Variants in ERBB4 observed in about 807,000 individuals in gnomAD.
ERBB4 encodes the protein receptor tyrosine-protein kinase erbB-4.
A neutral mutation model predicts 158.0 loss-of-function variants in ERBB4; 42 were observed. The ratio of observed to expected loss-of-function variants is 0.27; its 90% CI spans 0.21 to 0.34. The LOEUF is 0.34. Ranked by LOEUF, ERBB4 falls within the 10% of genes least tolerant of loss-of-function variation. The probability of loss-of-function intolerance (pLI) is 1.00; values close to 1 mark genes in which losing one functional copy is unlikely to be tolerated. For missense variants in ERBB4, 1,333 were observed against 1,624.1 expected (o/e 0.82, Z 3.08); for synonymous variants, 583 against 558.7 (o/e 1.04, Z -0.61).
In ERBB4 at chr2:211,819,448, G is replaced by A. The variant is rs116613016; in HGVS notation, c.422-31289C>T. On this transcript the variant is annotated intron_variant, in intron 3 of 27. Transcript: ENST00000342788. ...GGGGAAATAGTAAAAGCTTTAGTCT[G>A]AAACTTGTCTCGAGGACTAGAAAGA... Among the ~76,000 whole-genome samples, 1,317 of 152,130 alleles carry A rather than the reference G, an allele frequency of 8.7e-3. 20 individuals carry two copies. The highest frequency in any genetic ancestry group is 0.03 in the African/African-American group (1,242 of 41,550).
chr2:212,513,851 G>C (rs1205608660), intron 1 of ERBB4, among the ~76,000 whole-genome samples: 1 of 150,348 alleles, frequency 6.7e-6, no homozygotes, highest in East Asian at 1.9e-4. Context: ...AACAATTTAA[G>C]TTTTCAAAGA....
intron 1 of ERBB4, among the ~76,000 whole-genome samples, chr2:212,142,051 C>T (rs866226525): frequency 2.6e-5 from 4 of 152,094 alleles, no homozygotes; most frequent in Admixed American, 6.6e-5. Context: ...TCAGATCTGG[C>T]CACAGGGGCC....
Position 211,831,656 on chromosome 2 carries a change from C to T in ERBB4, c.422-43497G>A, listed in dbSNP as rs756774356. On this transcript the variant is annotated intron_variant, in intron 3 of 27. Transcript: ENST00000342788. ...AACATTAATACCTGTAATCCCAGCA[C>T]TTTGGGAGGCTGAGGTGGGTGGATC... 4.5e-4 allele frequency among the ~76,000 whole-genome samples: 69 copies of T among 152,188 alleles called. 1 individual carries two copies. Among genetic ancestry groups the T allele is most frequent in the Middle Eastern group, 3.4e-3 (1 of 294 alleles).
intron 2 of ERBB4, among the ~76,000 whole-genome samples, chr2:212,035,962 T>C (rs2077002609): frequency 6.6e-6 from 1 of 152,220 alleles, no homozygotes; most frequent in Non-Finnish European, 1.5e-5. Flanking sequence ...CATTTTTTAG[T>C]GATTGTACAT....
At chr2:211,955,154 T>A (rs2125158950) in intron 2 of ERBB4, among the ~76,000 whole-genome samples, 1 of 152,154 alleles carries the variant, frequency 6.6e-6, no homozygotes. Context: ...GGAAACCTGG[T>A]AAGATCATCC....
chr2:212,293,873 A>C (rs918993373), intron 1 of ERBB4, among the ~76,000 whole-genome samples: 4 of 146,158 alleles, frequency 2.7e-5, no homozygotes, highest in South Asian at 2.1e-4. Context: ...AAAAAAAAAA[A>C]CATACATTTG....
At chr2:211,737,306 C>T (rs1233593435) in intron 5 of ERBB4, among the ~76,000 whole-genome samples, 1 of 152,098 alleles carries the variant, frequency 6.6e-6, no homozygotes, top group East Asian at 1.9e-4. Context: ...CACAATCTCC[C>T]TTCCTGCCTC....
At chr2:211,774,632 T>C (rs114983060) in intron 4 of ERBB4, among the ~76,000 whole-genome samples, 2,481 of 152,278 alleles carry the variant, frequency 0.016, 58 homozygotes, top group African/African-American at 0.057. Context: ...GTTGAACATA[T>C]GTCACTGGGC....
At chr2:211,621,285 C>T (rs1481240705) in intron 18 of ERBB4, among the ~76,000 whole-genome samples, 1 of 151,656 alleles carries the variant, frequency 6.6e-6, no homozygotes, top group African/African-American at 2.4e-5. Context: ...ATCTGATACA[C>T]ATGATATTGG....
chr2:212,011,644 G>T (rs1415034782), intron 2 of ERBB4, among the ~76,000 whole-genome samples: 3 of 152,040 alleles, frequency 2.0e-5, no homozygotes, highest in Non-Finnish European at 4.4e-5. Flanking sequence ...AAGCCACTCA[G>T]GAGGCTGAGG....
intron 20 of ERBB4, among the ~76,000 whole-genome samples, chr2:211,471,303 G>A (rs1021277780): frequency 1.3e-4 from 20 of 152,078 alleles, no homozygotes; most frequent in African/African-American, 4.6e-4. Context: ...CATGAGCCAA[G>A]CCTTTCTTAA....
chr2:212,171,614 T>C (rs989589070), intron 1 of ERBB4, among the ~76,000 whole-genome samples: 2 of 152,100 alleles, frequency 1.3e-5, no homozygotes, highest in African/African-American at 4.8e-5. Context: ...TTGGATCATG[T>C]AGGTGTCTTC....
intron 2 of ERBB4, among the ~76,000 whole-genome samples, chr2:212,118,019 TCATGCTATG>T (rs1185678064): frequency 6.6e-6 from 1 of 152,218 alleles, no homozygotes; most frequent in Admixed American, 6.5e-5. Flanking sequence ...TTTTTCTAAA[TCATGCTATG>T]CAGCAGACAG....
intron 4 of ERBB4, among the ~76,000 whole-genome samples, chr2:211,757,681 C>T (rs887630691): frequency 1.3e-5 from 2 of 152,218 alleles, no homozygotes; most frequent in African/African-American, 4.8e-5. Flanking sequence ...AAAGTATCTT[C>T]TCCAGCATCA....
intron 3 of ERBB4, among the ~76,000 whole-genome samples, chr2:211,931,888 A>G: frequency 6.6e-6 from 1 of 152,106 alleles, no homozygotes; most frequent in East Asian, 1.9e-4. Flanking sequence ...GGACACAAGA[A>G]GGGAACTAAC....
chr2:211,755,082 C>T (rs752196422), intron 4 of ERBB4, among the ~76,000 whole-genome samples: 2 of 152,068 alleles, frequency 1.3e-5, no homozygotes, highest in Admixed American at 6.5e-5. Flanking sequence ...CCATGTAGCT[C>T]GGTGATAGGA....
rs2073399758 is a variant in ERBB4, at chr2:211,705,349, C to T, written c.1167G>A (p.Leu389=). 5.0e-6 allele frequency: 8 copies of T among 1,613,122 alleles called. No homozygotes were observed. The Middle Eastern group carries it at 6.6e-4, about 133-fold the overall frequency. The change falls in exon 10 of 28, where the codon CTG becomes CTA. Residue 389 remains leucine, a synonymous_variant. Transcript: ENST00000342788. The part of the protein sequence containing the change: ...NAIEAIDPEK[L]NVFRTVREIT... Reference sequence around the variant, plus strand: ...TCTCTCTGACTGTCCGAAAGACGTTCAGTTTCTCTGGGTCTATGGCTTCAA... The same window carrying T: ...TCTCTCTGACTGTCCGAAAGACGTTTAGTTTCTCTGGGTCTATGGCTTCAA...
At chr2:212,057,593 G>T (rs949752263) in intron 2 of ERBB4, among the ~76,000 whole-genome samples, 2 of 152,186 alleles carry the variant, frequency 1.3e-5, no homozygotes, top group African/African-American at 4.8e-5. Flanking sequence ...TCAGACCACA[G>T]TGCAATCAAA....
intron 3 of ERBB4, among the ~76,000 whole-genome samples, chr2:211,926,114 G>T (rs1003723139): frequency 6.6e-6 from 1 of 152,154 alleles, no homozygotes; most frequent in Non-Finnish European, 1.5e-5. Flanking sequence ...TCGGAGCCAC[G>T]TTAAGCGCCA....
Sources: allele counts gnomAD v4.1 joint callset (sites outside exome capture counted in the v4.1 genomes callset), GRCh38; gene constraint gnomAD v4.1.1; transcripts MANE v1.5; gene names NCBI Gene and HGNC (gene_info 2026-07-23, HGNC 2026-07-21).